The following LPGAT1 variants were observed in gnomAD, a reference collection of about 807,000 sequenced individuals.
LPGAT1 encodes the protein lysophosphatidylglycerol acyltransferase 1, also known as acyl-CoA:lysophosphatidylglycerol acyltransferase 1.
Under a neutral mutation model 47.5 loss-of-function variants are expected in LPGAT1, and 11 were observed. The ratio of observed to expected loss-of-function variants is 0.23; its 90% CI spans 0.15 to 0.38. The LOEUF is 0.38. LPGAT1 is among the 10% of genes least tolerant of loss of function. LPGAT1 has a pLI of 1.00. For synonymous variants in LPGAT1, 138 were observed against 144.2 expected, an observed-to-expected ratio of 0.96 and a Z score of 0.31; for missense variants, 293 against 439.0, an observed-to-expected ratio of 0.67 and a Z score of 2.97.
At chr1:211,785,610 C>CT (rs796577084) in intron 4 of LPGAT1, among the ~76,000 whole-genome samples, 7,820 of 140,740 alleles carry the variant, frequency 0.056, 292 homozygotes, top group African/African-American at 0.11. Flanking sequence ...AATTTAGCCT[C>CT]TTTTTTTTTT....
At chr1:211,823,180 G>A (rs1355601101) in intron 2 of LPGAT1, among the ~76,000 whole-genome samples, 1 of 152,068 alleles carries the variant, frequency 6.6e-6, no homozygotes, top group African/African-American at 2.4e-5. Context: ...AATGCTTCTG[G>A]GGAAGTAACT....
chr1:211,799,387 T>C (rs1175143118), intron 2 of LPGAT1, among the ~76,000 whole-genome samples: 3 of 152,098 alleles, frequency 2.0e-5, no homozygotes, highest in Non-Finnish European at 4.4e-5. Flanking sequence ...TTCACAAAAT[T>C]CCAAATATGC....
intron 6 of LPGAT1, among the ~76,000 whole-genome samples, chr1:211,751,469 G>T (rs1356349804): frequency 6.6e-6 from 1 of 152,172 alleles, no homozygotes; most frequent in Non-Finnish European, 1.5e-5. Flanking sequence ...TTAAATGTCA[G>T]GCAATATTCT....
chr1:211,757,223 C>T (rs112831519), intron 6 of LPGAT1, among the ~76,000 whole-genome samples: 2,679 of 151,134 alleles, frequency 0.018, 86 homozygotes, highest in African/African-American at 0.061. Flanking sequence ...CACTGTACTC[C>T]AGCCTGGGCA....
At position 211,830,745 on chromosome 1, in the gene LPGAT1, G is replaced by A. The variant is rs976620271; in HGVS notation, c.-200C>T. ...GCCGAGACTCGGTCCCCAAGGGCCC[G>A]GCCGCGTTCGCCCGGACTGGCGGGG... On this transcript the variant is annotated 5_prime_UTR_variant, in exon 1 of 8. Transcript: ENST00000366997. The surrounding 1 kb of genome is among the most constrained non-coding windows in gnomAD (Gnocchi z 5.9). 5.1e-6 allele frequency: 6 copies of A among 1,167,268 alleles called. No homozygotes were observed. The highest frequency in any genetic ancestry group is 4.6e-5 in the Admixed American group (1 of 21,640). The allele number at this position is 1,167,268 out of a possible 1,614,324, so 72.3% of individuals were successfully genotyped here. A position where few individuals can be genotyped will look rare whatever the true frequency, so the allele number is the denominator to read the frequency against.
chr1:211,780,130 T>C (rs1293795181), intron 5 of LPGAT1, among the ~76,000 whole-genome samples: 1 of 151,736 alleles, frequency 6.6e-6, no homozygotes, highest in Non-Finnish European at 1.5e-5. Flanking sequence ...TGAGCCGAGA[T>C]CGCACCATTG....
chr1:211,788,448 A>C (rs1658975773), intron 3 of LPGAT1, among the ~76,000 whole-genome samples: 1 of 151,976 alleles, frequency 6.6e-6, no homozygotes, highest in Non-Finnish European at 1.5e-5. Context: ...TTTAGGAGGC[A>C]GAGGCAGGTG....
chr1:211,813,740 C>T lies in LPGAT1; in HGVS notation c.238+15319G>A, dbSNP rs1228061380. Among the ~76,000 whole-genome samples, 4 of 152,338 alleles carry T rather than the reference C, an allele frequency of 2.6e-5. No homozygotes were observed. In the East Asian group the frequency reaches 7.7e-4, roughly 29 times the overall value. On this transcript the variant is annotated intron_variant, in intron 2 of 7. Coordinates refer to ENST00000366997, the MANE Select transcript of LPGAT1 (RefSeq NM_014873.3). ...CATCAGGTTGATTGCAAATGTTCAT[C>T]TGTACAAGCTTCTTAGCTGGAGGGG...
chr1:211,826,436 T>C (rs1463169694), intron 2 of LPGAT1, among the ~76,000 whole-genome samples: 3 of 152,222 alleles, frequency 2.0e-5, no homozygotes, highest in African/African-American at 7.2e-5. Context: ...ATCTGCACTG[T>C]CCATACAGTA....
At chr1:211,787,028 A>AGGG (rs768493693) in intron 4 of LPGAT1, among the ~76,000 whole-genome samples, 12,705 of 152,270 alleles carry the variant, frequency 0.083, 647 homozygotes, top group Admixed American at 0.15. Context: ...TGCCCAATTC[A>AGGG]CATAGCTAAG....
chr1:211,778,843 T>C (rs969690647), intron 6 of LPGAT1, 75 bp downstream of exon 6: 60 of 1,224,680 alleles, frequency 4.9e-5, no homozygotes, highest in Non-Finnish European at 5.5e-5. Flanking sequence ...GATTAAAAAC[T>C]AAATATTAAG....
chr1:211,813,358 C>T (rs1660064001), intron 2 of LPGAT1, among the ~76,000 whole-genome samples: 1 of 152,150 alleles, frequency 6.6e-6, no homozygotes, highest in Non-Finnish European at 1.5e-5. Flanking sequence ...TATATTTATG[C>T]TTATAAATAC....
chr1:211,826,138 T>C (rs899377323), intron 2 of LPGAT1, among the ~76,000 whole-genome samples: 18 of 152,182 alleles, frequency 1.2e-4, no homozygotes, highest in African/African-American at 4.3e-4. Context: ...GCTCTGAGAA[T>C]GCAAACTAAA....
At chr1:211,751,096 A>G (rs1421273103) in intron 6 of LPGAT1, 29 bp from the exon 7 acceptor site, 11 of 1,415,680 alleles carry the variant, frequency 7.8e-6, no homozygotes, top group Non-Finnish European at 1.1e-5. Flanking sequence ...AAAGAACAAA[A>G]ACTATTTAGT....
At chr1:211,812,525 G>A (rs1660023693) in intron 2 of LPGAT1, among the ~76,000 whole-genome samples, 1 of 152,088 alleles carries the variant, frequency 6.6e-6, no homozygotes, top group African/African-American at 2.4e-5. Context: ...GTAAAATTGT[G>A]ACCATGTGCA....
rs1299246448 is a variant in LPGAT1, at chr1:211,748,448, G to A, written c.*1451C>T. The A allele has an allele frequency of 6.6e-6, 1 of 152,292 alleles. No individual in the cohort carries two copies. Among genetic ancestry groups the A allele is most frequent in the Non-Finnish European group, 1.5e-5 (1 of 68,066 alleles). 9.4% of individuals were successfully genotyped at this position (152,292 alleles called of 1,614,324 possible). ...GCCTGCAATCCCAGCACTTTAGGAA[G>A]CCGAGGTGGGCAGATCACCTGAGGT... On this transcript the variant is annotated 3_prime_UTR_variant, in exon 8 of 8. Coordinates refer to ENST00000366997, the MANE Select transcript of LPGAT1 (RefSeq NM_014873.3).
At chr1:211,756,579 C>T (rs1223279798) in intron 6 of LPGAT1, among the ~76,000 whole-genome samples, 1 of 152,106 alleles carries the variant, frequency 6.6e-6, no homozygotes, top group Non-Finnish European at 1.5e-5. Flanking sequence ...AGAGATACAC[C>T]CTCTTCGGTC....
intron 6 of LPGAT1, among the ~76,000 whole-genome samples, chr1:211,766,800 C>T (rs780118903): frequency 5.9e-5 from 9 of 152,268 alleles, no homozygotes; most frequent in South Asian, 4.2e-4. Context: ...ATCTACTGAA[C>T]GTCTATTACT....
intron 2 of LPGAT1, among the ~76,000 whole-genome samples, chr1:211,805,362 G>C (rs1050080312): frequency 1.3e-5 from 2 of 152,146 alleles, no homozygotes; most frequent in African/African-American, 4.8e-5. Context: ...TTATAATAAA[G>C]TGTTGAATAT....
Sources: allele counts gnomAD v4.1 joint callset (sites outside exome capture counted in the v4.1 genomes callset), GRCh38; gene constraint gnomAD v4.1.1; non-coding constraint Gnocchi (gnomAD v3.1); transcripts MANE v1.5; gene names NCBI Gene and HGNC (gene_info 2026-07-23, HGNC 2026-07-21).